The following CRIPT variants were observed in gnomAD, a reference collection of about 807,000 sequenced individuals.
CRIPT encodes the protein cysteine-rich PDZ-binding protein.
Under a neutral mutation model 16.6 loss-of-function variants are expected in CRIPT, and 20 were observed. The observed-to-expected ratio is 1.20, with a 90% confidence interval of 0.85 to 1.75. The LOEUF is 1.75. Among genes scored for constraint, CRIPT ranks in the 40% most tolerant of loss-of-function variants. The pLI, the probability that CRIPT is intolerant of heterozygous loss-of-function variation, is 0.00. For missense variants in CRIPT, 133 were observed against 115.3 expected, an observed-to-expected ratio of 1.15 and a Z score of -0.70; for synonymous variants, 42 against 37.0, an observed-to-expected ratio of 1.14 and a Z score of -0.49.
intron 2 of CRIPT, 68 bp downstream of exon 2, chr2:46,618,906 A>G (rs1262574060): frequency 3.1e-6 from 3 of 965,498 alleles, no homozygotes; most frequent in Non-Finnish European, 4.8e-6. Flanking sequence ...TAGTTTTTAC[A>G]TTATTTGTAC....
rs1670682958 is a variant in CRIPT at position 46,617,282 on chromosome 2, G to A, written c.-1G>A. ...GGCTAGGGGAACCGTCGTGGGGAAG[G>A]ATGGTGTGCGAAAAATGTGAGTTAA... is the stretch of plus-strand genomic sequence containing the variant. On this transcript the variant is annotated 5_prime_UTR_variant, in exon 1 of 5. Coordinates refer to ENST00000238892, the MANE Select transcript of CRIPT (RefSeq NM_014171.6). 6.4e-7 allele frequency: 1 copy of A among 1,555,132 alleles called. No individual in the cohort carries two copies. The highest frequency in any genetic ancestry group is 1.4e-5 in the African/African-American group (1 of 73,758).
At position 46,620,730 on chromosome 2, in the gene CRIPT, A is replaced by G. The variant is rs1352810210; in HGVS notation, c.137+1049A>G. Among the ~76,000 whole-genome samples the G allele has an allele frequency of 2.7e-5, 4 of 147,658 alleles. No individual in the cohort carries two copies. In the East Asian group the frequency reaches 7.8e-4, roughly 29 times the overall value. Reference sequence around the variant, plus strand: ...ATAATATTATTATATATATATTATAATATTATTATATATATATAACTCCCA... The same window carrying G: ...ATAATATTATTATATATATATTATAGTATTATTATATATATATAACTCCCA... On this transcript the variant is annotated intron_variant, in intron 3 of 4. Transcript: ENST00000238892.
chr2:46,623,300 T>C (rs963125953), intron 3 of CRIPT, among the ~76,000 whole-genome samples: 12 of 152,124 alleles, frequency 7.9e-5, no homozygotes, highest in East Asian at 1.9e-4. Context: ...AGAGCAAAAA[T>C]TGATGCTTGA....
chr2:46,621,122 T>G (rs1341499052), intron 3 of CRIPT, among the ~76,000 whole-genome samples: 1 of 152,246 alleles, frequency 6.6e-6, no homozygotes. Flanking sequence ...TTCCCGCAGT[T>G]GTCTCATAGT....
chr2:46,625,599 A>G lies in CRIPT; in HGVS notation c.*1372A>G, dbSNP rs1670919987. ...TACATGAATGGCATTTTTATTGGTC[A>G]TAACATTTTGATGAAAAGCATTTAA... On this transcript the variant is annotated 3_prime_UTR_variant, in exon 5 of 5. Coordinates refer to ENST00000238892, the MANE Select transcript of CRIPT (RefSeq NM_014171.6). The G allele has an allele frequency of 6.6e-6, 1 of 152,124 alleles. No individual in the cohort carries two copies. The highest frequency in any genetic ancestry group is 2.4e-5 in the African/African-American group (1 of 41,418). The allele number at this position is 152,124 out of a possible 1,614,324, so 9.4% of individuals were successfully genotyped here. A position where few individuals can be genotyped will look rare whatever the true frequency, so the allele number is the denominator to read the frequency against.
At chr2:46,620,398 G>C (rs1389850897) in intron 3 of CRIPT, among the ~76,000 whole-genome samples, 1 of 150,722 alleles carries the variant, frequency 6.6e-6, no homozygotes, top group Non-Finnish European at 1.5e-5. Context: ...CAGTGAGCCA[G>C]GATCGCACTA....
At chr2:46,618,900 T>A in intron 2 of CRIPT, 62 bp downstream of exon 2, 1 of 985,390 alleles carries the variant, frequency 1.0e-6, no homozygotes, top group Non-Finnish European at 1.6e-6. Context: ...ATACCTTAGT[T>A]TTTACATTAT....
At position 46,624,608 on chromosome 2, in the gene CRIPT, C is replaced by T. The variant is rs911318002; in HGVS notation, c.*381C>T. 4 of 154,656 alleles carry T rather than the reference C, an allele frequency of 2.6e-5. No homozygotes were observed. The highest frequency in any genetic ancestry group is 4.8e-5 in the African/African-American group (2 of 41,576). The allele number at this position is 154,656 out of a possible 1,614,324, so 9.6% of individuals were successfully genotyped here. ...TTTGGCATCCAGAGTTAACATTTCT[C>T]CCCTCACTCCCTTGCTGGTGTCATA... is the stretch of plus-strand genomic sequence containing the variant. On this transcript the variant is annotated 3_prime_UTR_variant, in exon 5 of 5. Coordinates refer to ENST00000238892, the MANE Select transcript of CRIPT (RefSeq NM_014171.6).
chr2:46,621,141 T>C (rs1670794970), intron 3 of CRIPT, among the ~76,000 whole-genome samples: 1 of 152,216 alleles, frequency 6.6e-6, no homozygotes, highest in African/African-American at 2.4e-5. Flanking sequence ...GTAACGAGAG[T>C]GATCCTTTAC....
In CRIPT at chr2:46,625,454, C is replaced by G. The variant is rs1670916268; in HGVS notation, c.*1227C>G. 7.5e-6 allele frequency: 1 copy of G among 133,834 alleles called. No homozygotes were observed. The highest frequency in any genetic ancestry group is 2.3e-4 in the East Asian group (1 of 4,352). 8.3% of individuals were successfully genotyped at this position (133,834 alleles called of 1,614,324 possible). On this transcript the variant is annotated 3_prime_UTR_variant, in exon 5 of 5. Transcript: ENST00000238892. ...TTTTCTTATGTTGCCTTCAGAGGTT[C>G]AGGACTTCTGCTTTTAAAACCTGCA...
intron 4 of CRIPT, 108 bp downstream of exon 4, chr2:46,623,975 T>C: frequency 1.3e-6 from 1 of 745,314 alleles, no homozygotes; most frequent in Non-Finnish European, 2.1e-6. Context: ...AGCCAAACAC[T>C]CTCTTTATCC....
rs769349078 is a variant in CRIPT at position 46,624,493 on chromosome 2, A to G, written c.*266A>G. ...ATTTCTCAGTTCTGTATGCACTTTT[A>G]TTTAACATTATTCATATAATTCTCC... On this transcript the variant is annotated 3_prime_UTR_variant, in exon 5 of 5. Coordinates refer to ENST00000238892, the MANE Select transcript of CRIPT (RefSeq NM_014171.6). The G allele has an allele frequency of 2.0e-5, 5 of 249,918 alleles. No homozygotes were observed. The East Asian group carries it at 3.6e-4, about 18-fold the overall frequency. The allele number at this position is 249,918 out of a possible 1,614,324, so 15.5% of individuals were successfully genotyped here.
chr2:46,622,511 G>A (rs1287604995), intron 3 of CRIPT, among the ~76,000 whole-genome samples: 1 of 152,022 alleles, frequency 6.6e-6, no homozygotes, highest in Non-Finnish European at 1.5e-5. Context: ...TATCTTTTGT[G>A]GGGAGTAAAG....
chr2:46,618,154 A>G (rs1477035942), intron 1 of CRIPT, among the ~76,000 whole-genome samples: 1 of 151,638 alleles, frequency 6.6e-6, no homozygotes, highest in Non-Finnish European at 1.5e-5. Flanking sequence ...TTCTTCCTGC[A>G]TGGAATTTCT....
chr2:46,618,780 G>A lies in CRIPT; in HGVS notation c.24G>A (p.Lys8=). Reference sequence around the variant, plus strand: ...ACTATCTTGTTCTAACAGGTGAAAAGAAACTTGGTACTGTTATCACTCCAG... The same window carrying A: ...ACTATCTTGTTCTAACAGGTGAAAAAAAACTTGGTACTGTTATCACTCCAG... MVCEKCE[K]KLGTVITPDT... The change falls in exon 2 of 5, where the codon AAG becomes AAA. Residue 8 remains lysine (K), a synonymous_variant. Transcript: ENST00000238892. 1 of 1,600,994 alleles carries A rather than the reference G, an allele frequency of 6.2e-7. No individual in the cohort carries two copies. The highest frequency in any genetic ancestry group is 1.1e-5 in the South Asian group (1 of 89,560).
chr2:46,618,198 T>A (rs1050512923), intron 1 of CRIPT, among the ~76,000 whole-genome samples: 2 of 152,020 alleles, frequency 1.3e-5, no homozygotes, highest in African/African-American at 4.8e-5. Flanking sequence ...TTATACTTTT[T>A]ATTTTTTAAG....
chr2:46,627,441 CTT>C lies in CRIPT; in HGVS notation c.*3228_*3229del, dbSNP rs371471601. 1.1e-4 allele frequency among the ~76,000 whole-genome samples: 15 copies of C among 141,946 alleles called. No individual in the cohort carries two copies. Among genetic ancestry groups the C allele is most frequent in the Admixed American group, 1.4e-4 (2 of 14,128 alleles). 93.1% of individuals were successfully genotyped at this position (141,946 alleles called of 152,430 possible). ...ATAGCTTGAAGTCTTACATTTAAAT[CTT>C]TTTTTTTTTTTTTCCCCAAAGACAG... On this transcript the variant is annotated 3_prime_UTR_variant, in exon 5 of 5. Transcript: ENST00000238892.
At chr2:46,622,049 T>G (rs982773265) in intron 3 of CRIPT, among the ~76,000 whole-genome samples, 1 of 152,176 alleles carries the variant, frequency 6.6e-6, no homozygotes, top group Non-Finnish European at 1.5e-5. Flanking sequence ...ATTGTTACTT[T>G]AAGAAAAAAC....
rs1396495906 is a variant in CRIPT at position 46,628,115 on chromosome 2, T to TC, written c.*3888_*3889insC. On this transcript the variant is annotated 3_prime_UTR_variant, in exon 5 of 5. Coordinates refer to ENST00000238892, the MANE Select transcript of CRIPT (RefSeq NM_014171.6). Reference sequence around the variant, plus strand: ...TGAATTTTAGAATGGATTTTTTCTTTTTTTTTTTTTTTGAGACGGAGTCTT... The same window carrying TC: ...TGAATTTTAGAATGGATTTTTTCTTTCTTTTTTTTTTTTGAGACGGAGTCTT... 6.7e-6 allele frequency among the ~76,000 whole-genome samples: 1 copy of TC among 150,316 alleles called. No homozygotes were observed. Among genetic ancestry groups the TC allele is most frequent in the African/African-American group, 2.4e-5 (1 of 40,946 alleles).
Sources: allele counts gnomAD v4.1 joint callset (sites outside exome capture counted in the v4.1 genomes callset), GRCh38; gene constraint gnomAD v4.1.1; transcripts MANE v1.5; gene names NCBI Gene and HGNC (gene_info 2026-07-23, HGNC 2026-07-21).